The following CHRM3 variants were observed in gnomAD, a reference collection of about 807,000 sequenced individuals.
CHRM3 encodes muscarinic acetylcholine receptor M3.
In CHRM3, 11 loss-of-function variants were observed where a neutral mutation model predicts 41.8. That is an observed-to-expected ratio of 0.26 (90% CI 0.17 to 0.44). CHRM3 has a LOEUF of 0.44. Ranked by LOEUF, CHRM3 falls within the 20% of genes least tolerant of loss-of-function variation. The probability of loss-of-function intolerance (pLI) is 1.00; values close to 1 mark genes in which losing one functional copy is unlikely to be tolerated. For missense variants in CHRM3, 571 were observed against 745.4 expected, an observed-to-expected ratio of 0.77 and a Z score of 2.72; for synonymous variants, 297 against 301.4, an observed-to-expected ratio of 0.99 and a Z score of 0.15.
chr1:239,760,190 G>A (rs961411008), intron 5 of CHRM3, among the ~76,000 whole-genome samples: 2 of 151,612 alleles, frequency 1.3e-5, no homozygotes, highest in Non-Finnish European at 1.5e-5. Context: ...CCCCCAAAGT[G>A]CTAGGATTAC....
At position 239,907,539 on chromosome 1, in the gene CHRM3, C is replaced by A. The variant is rs1373304904; in HGVS notation, c.88C>A (p.Pro30Thr). The change falls in exon 7 of 7, where the codon CCC (proline) becomes ACC (threonine). Residue 30 changes from proline (P) to threonine (T), a missense_variant. By Grantham distance (38) the Pro-to-Thr change is conservative. Coordinates refer to ENST00000676153, the MANE Select transcript of CHRM3 (RefSeq NM_001375978.1). This position sits in a 1 kb window ranked among gnomAD's most constrained non-coding sequence, Gnocchi z 5.4. ...WIHSPSDAGL[P>T]PGTVTHFGSY... ...ACACAGCCCCTCCGATGCAGGGCTG[C>A]CCCCGGGAACCGTCACTCATTTCGG... 5 of 1,614,152 alleles carry A rather than the reference C, an allele frequency of 3.1e-6. No individual in the cohort carries two copies. The East Asian group carries it at 1.1e-4, about 36-fold the overall frequency.
chr1:239,797,144 A>T (rs1201757396), intron 5 of CHRM3, among the ~76,000 whole-genome samples: 1 of 152,204 alleles, frequency 6.6e-6, no homozygotes, highest in African/African-American at 2.4e-5. Flanking sequence ...AGTGGGAGCT[A>T]AACATTGTGT....
In CHRM3 at chr1:239,740,695, G is replaced by A. The variant is rs146626736; in HGVS notation, c.-147+62407G>A. Reference sequence around the variant, plus strand: ...CCATGTGTTCAAAGAAGACATTTATGTGGCCAATAAACATGAAAAAAGCTC... The same window carrying A: ...CCATGTGTTCAAAGAAGACATTTATATGGCCAATAAACATGAAAAAAGCTC... On this transcript the variant is annotated intron_variant, in intron 5 of 6. Coordinates refer to ENST00000676153, the MANE Select transcript of CHRM3 (RefSeq NM_001375978.1). Among the ~76,000 whole-genome samples the A allele has an allele frequency of 2.0e-5, 3 of 152,034 alleles. No homozygotes were observed. The East Asian group carries it at 5.8e-4, about 29-fold the overall frequency.
intron 1 of CHRM3, among the ~76,000 whole-genome samples, chr1:239,445,789 A>G (rs1235620864): frequency 6.6e-6 from 1 of 152,186 alleles, no homozygotes; most frequent in Non-Finnish European, 1.5e-5. Context: ...TATGAATGCT[A>G]TCTACTCAGC....
At position 239,678,473 on chromosome 1, in the gene CHRM3, A is replaced by G. The variant is rs1439543486; in HGVS notation, c.-147+185A>G. Among the ~76,000 whole-genome samples, 3 of 152,184 alleles carry G rather than the reference A, an allele frequency of 2.0e-5. No homozygotes were observed. In the East Asian group the frequency reaches 5.8e-4, roughly 29 times the overall value. The stretch of plus-strand genomic sequence containing the variant: ...TTGGCATCCACAACTCCTGAAGACT[A>G]CTTCATTATCTTGGTTATATGATAA... On this transcript the variant is annotated intron_variant, in intron 5 of 6. Transcript: ENST00000676153.
At chr1:239,741,505 G>A (rs1427928093) in intron 5 of CHRM3, among the ~76,000 whole-genome samples, 1 of 152,132 alleles carries the variant, frequency 6.6e-6, no homozygotes, top group African/African-American at 2.4e-5. Context: ...GTCAGAGAGT[G>A]ACTTTCTGCT....
chr1:239,457,091 G>A (rs1665000069), intron 1 of CHRM3, among the ~76,000 whole-genome samples: 1 of 152,100 alleles, frequency 6.6e-6, no homozygotes, highest in Non-Finnish European at 1.5e-5. Context: ...ATGCATCTTT[G>A]ACGTTTGCAT....
chr1:239,814,080 T>C (rs1671375072), intron 5 of CHRM3, among the ~76,000 whole-genome samples: 1 of 152,002 alleles, frequency 6.6e-6, no homozygotes, highest in South Asian at 2.1e-4. Flanking sequence ...AGAAACAGTC[T>C]CAGAAGGCCA....
At chr1:239,489,367 C>A (rs1433869105) in intron 1 of CHRM3, among the ~76,000 whole-genome samples, 12 of 151,838 alleles carry the variant, frequency 7.9e-5, no homozygotes, top group Admixed American at 5.2e-4. Context: ...GAGCTGAGAT[C>A]GCGCCATTGC....
chr1:239,543,277 C>T (rs1482908265), intron 2 of CHRM3, among the ~76,000 whole-genome samples: 1 of 152,192 alleles, frequency 6.6e-6, no homozygotes, highest in East Asian at 1.9e-4. Context: ...GTGGCTGAGT[C>T]TGAACTCATT....
At chr1:239,545,070 C>T (rs556839966) in intron 2 of CHRM3, among the ~76,000 whole-genome samples, 53 of 152,058 alleles carry the variant, frequency 3.5e-4, no homozygotes, top group African/African-American at 1.1e-3. Flanking sequence ...AAAACATAGG[C>T]CATAAAAAAT....
chr1:239,633,835 G>C (rs1186003734), intron 4 of CHRM3, among the ~76,000 whole-genome samples: 1 of 150,984 alleles, frequency 6.6e-6, no homozygotes, highest in Non-Finnish European at 1.5e-5. Flanking sequence ...CTTGTTGCAT[G>C]AGACACATAC....
At chr1:239,635,791 A>G (rs1670396277) in intron 4 of CHRM3, among the ~76,000 whole-genome samples, 1 of 152,182 alleles carries the variant, frequency 6.6e-6, no homozygotes. Context: ...TGCCAAAACC[A>G]CCATACTTAT....
At chr1:239,716,083 G>A (rs1280525836) in intron 5 of CHRM3, among the ~76,000 whole-genome samples, 1 of 152,052 alleles carries the variant, frequency 6.6e-6, no homozygotes, top group Non-Finnish European at 1.5e-5. Flanking sequence ...GGAAAATGTG[G>A]AGGGACGACA....
rs761532824 is a variant in CHRM3 at position 239,907,563 on chromosome 1, G to C, written c.112G>C (p.Gly38Arg). ...GLPPGTVTHF[G>R]SYNVSRAAGN... is the part of the protein sequence containing the mutation. ...GCCCCCGGGAACCGTCACTCATTTC[G>C]GCAGCTACAATGTTTCTCGAGCAGC... The change falls in exon 7 of 7, where the codon GGC becomes CGC. Residue 38 changes from glycine (G) to arginine (R), a missense_variant. By Grantham distance (125) the Gly-to-Arg change is moderately radical. Around this residue, in one of 5 missense-constraint regions of CHRM3, gnomAD observed 92 missense variants for 76.1 expected, o/e 1.21. Coordinates refer to ENST00000676153, the MANE Select transcript of CHRM3 (RefSeq NM_001375978.1). The surrounding 1 kb of genome is among the most constrained non-coding windows in gnomAD (Gnocchi z 5.4). 2 of 1,614,064 alleles carry C rather than the reference G, an allele frequency of 1.2e-6. No homozygotes were observed. The highest frequency in any genetic ancestry group is 2.2e-5 in the East Asian group (1 of 44,856).
intron 4 of CHRM3, among the ~76,000 whole-genome samples, chr1:239,670,620 C>A (rs574037350): frequency 6.6e-6 from 1 of 152,218 alleles, no homozygotes; most frequent in East Asian, 1.9e-4. Flanking sequence ...AAGAGCCTCC[C>A]AGATTCAAGA....
chr1:239,513,642 C>T (rs1669070551), intron 2 of CHRM3, among the ~76,000 whole-genome samples: 1 of 152,124 alleles, frequency 6.6e-6, no homozygotes, highest in Non-Finnish European at 1.5e-5. Flanking sequence ...TGAAGTTCAA[C>T]TTGTCAATTA....
chr1:239,790,608 C>T (rs1669264923), intron 5 of CHRM3, among the ~76,000 whole-genome samples: 1 of 152,192 alleles, frequency 6.6e-6, no homozygotes, highest in Non-Finnish European at 1.5e-5. Flanking sequence ...ATTACCCAGT[C>T]TTGGGTATGT....
intron 1 of CHRM3, among the ~76,000 whole-genome samples, chr1:239,469,433 A>G (rs1285066552): frequency 6.6e-6 from 1 of 152,260 alleles, no homozygotes; most frequent in Non-Finnish European, 1.5e-5. Context: ...TAACAAATGC[A>G]CGTTTGAGGA....
Sources: gnomAD v4.1 joint callset for allele counts (sites outside exome capture counted in the v4.1 genomes callset) on GRCh38, gnomAD v4.1.1 for gene constraint, gnomAD v4.1.1 regional missense constraint, Gnocchi (gnomAD v3.1) non-coding constraint, MANE v1.5 for transcripts, NCBI Gene and HGNC (gene_info 2026-07-23, HGNC 2026-07-21) for gene names.